The following TXNDC11 variants were observed in gnomAD, a reference collection of about 807,000 sequenced individuals.
TXNDC11 encodes the protein thioredoxin domain containing 11.
A neutral mutation model predicts 78.0 loss-of-function variants in TXNDC11; 68 were observed. That is an observed-to-expected ratio of 0.87 (90% CI 0.72 to 1.07). The LOEUF (loss-of-function observed/expected upper bound fraction) is 1.07, where lower values mean the gene tolerates loss of function less well. Among genes scored for constraint, TXNDC11 ranks in the 50% least tolerant of loss-of-function variants. TXNDC11 has a pLI of 0.00. For missense variants in TXNDC11, 1,389 were observed against 1,221.8 expected (o/e 1.14, Z -2.04); for synonymous variants, 571 against 495.2 (o/e 1.15, Z -2.03).
intron 5 of TXNDC11, among the ~76,000 whole-genome samples, chr16:11,704,415 G>C (rs982842973): frequency 2.0e-5 from 3 of 152,244 alleles, no homozygotes; most frequent in African/African-American, 7.2e-5. Flanking sequence ...AGAAGTTTGA[G>C]GATATATTTA....
At chr16:11,698,720 G>C (rs2050926948) in intron 6 of TXNDC11, among the ~76,000 whole-genome samples, 1 of 152,180 alleles carries the variant, frequency 6.6e-6, no homozygotes, top group South Asian at 2.1e-4. Flanking sequence ...ACAGAGTCAA[G>C]GATCATTTAG....
intron 4 of TXNDC11, among the ~76,000 whole-genome samples, chr16:11,725,904 C>G (rs535109000): frequency 6.6e-6 from 1 of 152,254 alleles, no homozygotes; most frequent in East Asian, 1.9e-4. Flanking sequence ...GAGATGGAGT[C>G]TCACTCTGTT....
chr16:11,723,604 A>C (rs1445803536), intron 4 of TXNDC11, among the ~76,000 whole-genome samples: 7 of 152,080 alleles, frequency 4.6e-5, no homozygotes, highest in East Asian at 3.9e-4. Context: ...AACAAACAAA[A>C]AAAAAACCCA....
chr16:11,742,244 G>C (rs922000096), intron 1 of TXNDC11: 5 of 432,928 alleles, frequency 1.2e-5, no homozygotes, highest in East Asian at 3.7e-5. Flanking sequence ...GCACTAAAGC[G>C]GGACGATAGG....
chr16:11,707,396 A>C (rs1327228701), intron 5 of TXNDC11, among the ~76,000 whole-genome samples: 3 of 151,750 alleles, frequency 2.0e-5, no homozygotes, highest in African/African-American at 4.8e-5. Context: ...TATATGTTGA[A>C]ATAATTTGGA....
intron 7 of TXNDC11, among the ~76,000 whole-genome samples, chr16:11,694,050 C>T (rs924979816): frequency 2.7e-5 from 4 of 148,418 alleles, no homozygotes; most frequent in East Asian, 3.9e-4. Context: ...AAAGCAGCCA[C>T]GTAAAGAATA....
intron 8 of TXNDC11, among the ~76,000 whole-genome samples, chr16:11,689,014 A>G (rs901508805): frequency 2.0e-5 from 3 of 152,158 alleles, no homozygotes; most frequent in Admixed American, 2.0e-4. Context: ...GATTTGAACC[A>G]ACAGTTTTAC....
chr16:11,714,304 G>A (rs191377668), intron 5 of TXNDC11, among the ~76,000 whole-genome samples: 3 of 152,152 alleles, frequency 2.0e-5, no homozygotes, highest in Non-Finnish European at 4.4e-5. Context: ...GATTACAGGC[G>A]TGAGCCACCG....
chr16:11,693,710 C>T (rs1414092155), intron 7 of TXNDC11, among the ~76,000 whole-genome samples: 1 of 152,128 alleles, frequency 6.6e-6, no homozygotes, highest in Non-Finnish European at 1.5e-5. Flanking sequence ...AGATGATAGG[C>T]CAGTGCTTGA....
chr16:11,742,841 C>A lies in TXNDC11; in HGVS notation c.-111G>T. ...AGCTCGCCGCACCCGCTAACCCGGA[C>A]GCTCCACGTCAGCCGCGCCGCCGCC... On this transcript the variant is annotated 5_prime_UTR_variant, in exon 1 of 12. Transcript: ENST00000283033. 1.5e-6 allele frequency: 2 copies of A among 1,336,480 alleles called. No individual in the cohort carries two copies. Among genetic ancestry groups the A allele is most frequent in the African/African-American group, 1.5e-5 (1 of 65,236 alleles). 82.8% of individuals were successfully genotyped at this position (1,336,480 alleles called of 1,614,324 possible).
In TXNDC11 at chr16:11,736,128, G is replaced by A. The variant is rs767344669; in HGVS notation, c.360C>T (p.Tyr120=). 6.2e-6 allele frequency: 10 copies of A among 1,614,062 alleles called. No individual in the cohort carries two copies. The highest frequency in any genetic ancestry group is 2.2e-5 in the South Asian group (2 of 91,094). ...LFQGQLDYAE[Y]VRRDSEVVLL... is the part of the protein sequence containing the mutation. ...GTACCACCTCTGAATCCCGTCGAAC[G>A]TACTCTGCATAATCCAGCTGCCCCT... is the stretch of plus-strand genomic sequence containing the variant. Residue 120 remains tyrosine, a synonymous_variant, in exon 2 of 12, where the codon TAC becomes TAT. Transcript: ENST00000283033.
intron 3 of TXNDC11, among the ~76,000 whole-genome samples, chr16:11,733,372 A>C (rs1258658979): frequency 6.6e-6 from 1 of 152,112 alleles, no homozygotes; most frequent in African/African-American, 2.4e-5. Flanking sequence ...AAAAATACAA[A>C]AAAAATTAGC....
chr16:11,704,849 A>G (rs1209492780), intron 5 of TXNDC11, among the ~76,000 whole-genome samples: 1 of 152,182 alleles, frequency 6.6e-6, no homozygotes, highest in African/African-American at 2.4e-5. Context: ...GGAAACATGG[A>G]GACAATTCAA....
At chr16:11,706,852 C>T (rs971919125) in intron 5 of TXNDC11, among the ~76,000 whole-genome samples, 2 of 152,172 alleles carry the variant, frequency 1.3e-5, no homozygotes, top group African/African-American at 4.8e-5. Flanking sequence ...ATGACTACAG[C>T]TGACCCTTGA....
chr16:11,688,457 G>C lies in TXNDC11; in HGVS notation c.1901-12C>G. 1 of 1,592,768 alleles carries C rather than the reference G, an allele frequency of 6.3e-7. No homozygotes were observed. Among genetic ancestry groups the C allele is most frequent in the Non-Finnish European group, 8.6e-7 (1 of 1,169,078 alleles). The stretch of plus-strand genomic sequence containing the variant: ...TTGAATAAAAGACTCTAAAAATAAA[G>C]AGAAAATGAGATCAACTCTCCTCTA... On this transcript the variant is annotated splice_polypyrimidine_tract_variant and intron_variant, in intron 8 of 11. Transcript: ENST00000283033.
chr16:11,698,364 G>C (rs201068794), intron 6 of TXNDC11, 39 bp from the exon 7 acceptor site: 4 of 1,582,978 alleles, frequency 2.5e-6, no homozygotes, highest in Non-Finnish European at 3.5e-6. Flanking sequence ...AGGAGAGCTC[G>C]TGAGGTGGGG....
chr16:11,737,788 T>C (rs1347182201), intron 1 of TXNDC11, among the ~76,000 whole-genome samples: 3 of 149,126 alleles, frequency 2.0e-5, no homozygotes, highest in Admixed American at 6.7e-5. Flanking sequence ...ATTGTGTAGG[T>C]TGCAGTGAGC....
intron 5 of TXNDC11, among the ~76,000 whole-genome samples, chr16:11,718,285 T>C (rs776488165): frequency 6.6e-6 from 1 of 152,162 alleles, no homozygotes; most frequent in East Asian, 1.9e-4. Flanking sequence ...AAAAAATCAT[T>C]AAGGCAGGGG....
intron 5 of TXNDC11, among the ~76,000 whole-genome samples, chr16:11,720,025 C>T (rs1305621033): frequency 1.3e-5 from 2 of 152,070 alleles, no homozygotes. Context: ...CTGGTCTGGT[C>T]CAGGTGTGGG....
Sources: allele counts gnomAD v4.1 joint callset (sites outside exome capture counted in the v4.1 genomes callset), GRCh38; gene constraint gnomAD v4.1.1; transcripts MANE v1.5; gene names NCBI Gene and HGNC (gene_info 2026-07-23, HGNC 2026-07-21).